Variants in CPNE9 observed in about 807,000 individuals in gnomAD.
CPNE9 encodes copine family member 9, also known as copine-9.
In CPNE9, 59 loss-of-function variants were observed where a neutral mutation model predicts 83.0. The observed-to-expected ratio is 0.71, with a 90% CI of 0.58 to 0.88. CPNE9 has a LOEUF of 0.88. Ranked by LOEUF, CPNE9 falls within the 40% of genes least tolerant of loss-of-function variation. CPNE9 has a pLI of 0.00. For synonymous variants in CPNE9, 256 were observed against 273.4 expected, an observed-to-expected ratio of 0.94 and a Z score of 0.63; for missense variants, 619 against 720.8, an observed-to-expected ratio of 0.86 and a Z score of 1.62.
intron 10 of CPNE9, among the ~76,000 whole-genome samples, chr3:9,714,649 A>C (rs1249105869): frequency 4.2e-5 from 1 of 24,012 alleles, no homozygotes; most frequent in Non-Finnish European, 7.0e-5. Flanking sequence ...TAAAAAAAAA[A>C]AAAAAAAAAA....
chr3:9,704,079 C>T lies in CPNE9; in HGVS notation c.68+15C>T, dbSNP rs1392158443. On this transcript the variant is annotated intron_variant, in intron 1 of 20. Transcript: ENST00000383832. The surrounding 1 kb of genome is among the most constrained non-coding windows in gnomAD (Gnocchi z 7.1). ...GTGTCCTGCCGGTGAGCGGGCCGCG[C>T]TGGGGAGGGCTTAGGCACTGGCACT... is the stretch of plus-strand genomic sequence containing the variant. 6.2e-7 allele frequency: 1 copy of T among 1,600,032 alleles called. No individual in the cohort carries two copies. Among genetic ancestry groups the T allele is most frequent in the Non-Finnish European group, 8.5e-7 (1 of 1,174,464 alleles).
chr3:9,709,207 C>CGGA (rs1381180360), intron 7 of CPNE9, among the ~76,000 whole-genome samples: 1 of 142,508 alleles, frequency 7.0e-6, no homozygotes, highest in Non-Finnish European at 1.5e-5. Flanking sequence ...ACCCGGGAGG[C>CGGA]GGAGGTTGCA....
chr3:9,726,636 C>T (rs945922599), intron 18 of CPNE9, 29 bp from the exon 19 acceptor site: 2 of 1,591,212 alleles, frequency 1.3e-6, no homozygotes, highest in Middle Eastern at 1.7e-4. Context: ...GCCTGCTTGC[C>T]CCAACAGTTC....
intron 13 of CPNE9, 55 bp from the exon 14 acceptor site, chr3:9,715,919 C>T: frequency 1.3e-6 from 2 of 1,517,934 alleles, no homozygotes; most frequent in African/African-American, 1.4e-5. Context: ...TCACTTCCTT[C>T]TGCCACCCCA....
rs749470096 is a variant in CPNE9 at position 9,726,052 on chromosome 3, G to A, written c.1344+1G>A. On this transcript the variant is annotated splice_donor_variant, in intron 18 of 20. Transcript: ENST00000383832. LOFTEE classifies it high-confidence loss of function. The stretch of plus-strand genomic sequence containing the variant: ...GCAGACCAAGGAGGCCATCGTCAGC[G>A]TGAGTCTGAGGAGGAGGGCTTGGCA... 21 of 1,590,004 alleles carry A rather than the reference G, an allele frequency of 1.3e-5. No individual in the cohort carries two copies. Among genetic ancestry groups the A allele is most frequent in the Admixed American group, 1.2e-4 (7 of 58,000 alleles).
At chr3:9,716,140 T>G (rs753494030) in intron 14 of CPNE9, 105 bp downstream of exon 14, 3 of 991,214 alleles carry the variant, frequency 3.0e-6, no homozygotes, top group Non-Finnish European at 3.1e-6. Context: ...AGTGAGACCA[T>G]GGAGATAAAC....
At chr3:9,719,146 A>T (rs1053560825) in intron 17 of CPNE9, among the ~76,000 whole-genome samples, 2 of 151,904 alleles carry the variant, frequency 1.3e-5, no homozygotes, top group African/African-American at 4.8e-5. Flanking sequence ...TCATTTTTTT[A>T]AATTAAATAT....
At position 9,704,634 on chromosome 3, in the gene CPNE9, G is replaced by T. The variant is rs2076541373; in HGVS notation, c.109+7G>T. On this transcript the variant is annotated splice_region_variant and intron_variant, in intron 2 of 20. Transcript: ENST00000383832. This position sits in a 1 kb window ranked among gnomAD's most constrained non-coding sequence, Gnocchi z 7.1. ...TTCTCCAAGTCCGACCCCAGTAGGCGGCTCCAGGACCGGGAGGGGGAACTT... is the reference window on the plus strand; with the variant it reads ...TTCTCCAAGTCCGACCCCAGTAGGCTGCTCCAGGACCGGGAGGGGGAACTT... The T allele has an allele frequency of 6.2e-7, 1 of 1,613,870 alleles. No homozygotes were observed. The highest frequency in any genetic ancestry group is 8.5e-7 in the Non-Finnish European group (1 of 1,179,862).
Position 9,729,739 on chromosome 3 carries a change from A to G in CPNE9, c.*47A>G, listed in dbSNP as rs780005798. On this transcript the variant is annotated 3_prime_UTR_variant, in exon 21 of 21. Transcript: ENST00000383832. ...TCACAGTCTGCAAGCCTGCTCACCCACTGCTTCTGCTTTAAGCCAGAGGCA... is the reference window on the plus strand; with the variant it reads ...TCACAGTCTGCAAGCCTGCTCACCCGCTGCTTCTGCTTTAAGCCAGAGGCA... 6.4e-7 allele frequency: 1 copy of G among 1,557,752 alleles called. No homozygotes were observed. The highest frequency in any genetic ancestry group is 1.8e-4 in the Middle Eastern group (1 of 5,492).
At chr3:9,716,333 C>A (rs2125468959) in intron 14 of CPNE9, among the ~76,000 whole-genome samples, 1 of 152,286 alleles carries the variant, frequency 6.6e-6, no homozygotes, top group African/African-American at 2.4e-5. Context: ...AAGTTATAGT[C>A]AGGCAAGAGG....
intron 18 of CPNE9, 23 bp from the exon 19 acceptor site, chr3:9,726,642 A>C: frequency 6.2e-7 from 1 of 1,602,942 alleles, no homozygotes; most frequent in African/African-American, 1.3e-5. Flanking sequence ...TTGCCCCAAC[A>C]GTTCACCCTC....
Position 9,729,497 on chromosome 3 carries a change from C to T in CPNE9, c.1477-10C>T, listed in dbSNP as rs201574999. 10 of 1,606,550 alleles carry T rather than the reference C, an allele frequency of 6.2e-6. No individual in the cohort carries two copies. Among genetic ancestry groups the T allele is most frequent in the Non-Finnish European group, 8.5e-6 (10 of 1,174,420 alleles). ...CATGGCTTATCTCTTCTTGTCTGTGCCTGACCCAGTTCGTCCCATTCCGAG... is the reference window on the plus strand; with the variant it reads ...CATGGCTTATCTCTTCTTGTCTGTGTCTGACCCAGTTCGTCCCATTCCGAG... On this transcript the variant is annotated splice_polypyrimidine_tract_variant and intron_variant, in intron 20 of 20. Transcript: ENST00000383832.
intron 17 of CPNE9, among the ~76,000 whole-genome samples, chr3:9,723,703 C>T (rs2076752739): frequency 6.6e-6 from 1 of 152,108 alleles, no homozygotes; most frequent in African/African-American, 2.4e-5. Context: ...GCCACCAAGC[C>T]CAGCTAATTT....
At chr3:9,720,628 C>A (rs773086500) in intron 17 of CPNE9, among the ~76,000 whole-genome samples, 2 of 152,168 alleles carry the variant, frequency 1.3e-5, no homozygotes, top group Admixed American at 6.5e-5. Flanking sequence ...CAGTTCTTTT[C>A]CTTATGTATC....
At chr3:9,707,514 T>C (rs991114797) in intron 7 of CPNE9, among the ~76,000 whole-genome samples, 3 of 151,888 alleles carry the variant, frequency 2.0e-5, no homozygotes, top group African/African-American at 7.3e-5. Context: ...AACAGGTTCC[T>C]GACAGATTGA....
rs1281830566 is a variant in CPNE9, at chr3:9,726,732, A to G, written c.1402+10A>G. ...CCAGCCATGTTTGAGGGTGAGTAGG[A>G]AGGGGTGTCCCTGAGTGGGACTAAG... is the stretch of plus-strand genomic sequence containing the variant. On this transcript the variant is annotated intron_variant, in intron 19 of 20. Transcript: ENST00000383832. The G allele has an allele frequency of 6.2e-7, 1 of 1,613,242 alleles. No individual in the cohort carries two copies. Among genetic ancestry groups the G allele is most frequent in the Non-Finnish European group, 8.5e-7 (1 of 1,179,324 alleles).
At chr3:9,715,426 C>A (rs750162506) in intron 12 of CPNE9, 47 bp from the exon 13 acceptor site, 2 of 1,611,012 alleles carry the variant, frequency 1.2e-6, no homozygotes, top group Non-Finnish European at 1.7e-6. Flanking sequence ...TCAGTCTGGA[C>A]CTCCCTTCCT....
chr3:9,725,658 ATATATGTATATATATGTG>A (rs1304414517), intron 17 of CPNE9, among the ~76,000 whole-genome samples: 1 of 59,526 alleles, frequency 1.7e-5, no homozygotes, highest in Non-Finnish European at 3.0e-5. Context: ...ATATATGTGT[ATATATGTATATATATGTG>A]TATATATATA....
intron 7 of CPNE9, among the ~76,000 whole-genome samples, chr3:9,708,299 AG>A (rs1374926716): frequency 6.6e-6 from 1 of 152,122 alleles, no homozygotes; most frequent in African/African-American, 2.4e-5. Flanking sequence ...TCACCAAAGG[AG>A]GGGAGGAAGG....
Sources: allele counts gnomAD v4.1 joint callset (sites outside exome capture counted in the v4.1 genomes callset), GRCh38; gene constraint gnomAD v4.1.1; non-coding constraint Gnocchi (gnomAD v3.1); transcripts MANE v1.5; gene names NCBI Gene and HGNC (gene_info 2026-07-23, HGNC 2026-07-21).